EHHADH: variants seen among roughly 807,000 people sequenced by gnomAD.
The protein encoded by EHHADH is peroxisomal bifunctional enzyme.
Under a neutral mutation model 64.4 loss-of-function variants are expected in EHHADH, and 48 were observed. That is an observed-to-expected ratio of 0.75 (90% CI 0.59 to 0.95). The LOEUF (loss-of-function observed/expected upper bound fraction) is 0.95, where lower values mean the gene tolerates loss of function less well. Among genes scored for constraint, EHHADH ranks in the 40% least tolerant of loss-of-function variants. EHHADH has a pLI of 0.00. For synonymous variants in EHHADH, 308 were observed against 326.7 expected (o/e 0.94, Z 0.62); for missense variants, 854 against 876.6 (o/e 0.97, Z 0.33).
chr3:185,222,835 G>T (rs564408368), intron 4 of EHHADH, among the ~76,000 whole-genome samples: 52 of 152,268 alleles, frequency 3.4e-4, no homozygotes, highest in African/African-American at 1.2e-3. Context: ...TAGCATCCTA[G>T]CATGTGAATA....
At chr3:185,246,138 A>T in intron 2 of EHHADH, 1 of 1,193,746 alleles carries the variant, frequency 8.4e-7, no homozygotes. Context: ...CATCACTTTC[A>T]ATCTTAAGAT....
rs779917350 is a variant in EHHADH at position 185,192,771 on chromosome 3, T to C, written c.1627A>G (p.Thr543Ala). 4.3e-6 allele frequency: 7 copies of C among 1,613,992 alleles called. No individual in the cohort carries two copies. The highest frequency in any genetic ancestry group is 5.9e-6 in the Non-Finnish European group (7 of 1,180,036). Residue 543 changes from threonine (T) to alanine (A), a missense_variant, in exon 7 of 7, where the codon ACA becomes GCA. By Grantham distance (58) the Thr-to-Ala change is moderately conservative. Coordinates refer to ENST00000231887, the MANE Select transcript of EHHADH (RefSeq NM_001966.4). ...CGGGCAGGAGTTCCTGGAAGCAATG[T>C]AGGTCCAGTAAGACCTTGCCCCTTT... ...SRKGQGLTGP[T>A]LLPGTPARKR...
chr3:185,204,487 T>A lies in EHHADH; in HGVS notation c.839A>T (p.Lys280Met). Residue 280 changes from lysine (K) to methionine (M), a missense_variant, in exon 6 of 7, where the codon AAG becomes ATG. Physicochemically the swap from Lys to Met is moderately conservative, Grantham distance 95 (BLOSUM62 -1). Transcript: ENST00000231887. ...CGATGCTCCGGAGGGAGTTGACCACTTATTTGCTTTCCTTTCAGCGAAGAA... is the reference window on the plus strand; with the variant it reads ...CGATGCTCCGGAGGGAGTTGACCACATATTTGCTTTCCTTTCAGCGAAGAA... ...YAFFAERKAN[K>M]WSTPSGASWK... The A allele has an allele frequency of 6.2e-7, 1 of 1,614,154 alleles. No homozygotes were observed. Among genetic ancestry groups the A allele is most frequent in the South Asian group, 1.1e-5 (1 of 91,084 alleles).
At chr3:185,203,747 C>T (rs1451681879) in intron 6 of EHHADH, among the ~76,000 whole-genome samples, 1 of 152,102 alleles carries the variant, frequency 6.6e-6, no homozygotes, top group African/African-American at 2.4e-5. Flanking sequence ...AAATACCCAG[C>T]TATGAGAGTG....
At chr3:185,214,542 A>AT (rs1227505659) in intron 5 of EHHADH, among the ~76,000 whole-genome samples, 8 of 152,012 alleles carry the variant, frequency 5.3e-5, no homozygotes, top group African/African-American at 1.4e-4. Context: ...GAAAAGATAA[A>AT]TTTTTTTTCA....
At chr3:185,209,037 T>TA (rs1718471307) in intron 5 of EHHADH, among the ~76,000 whole-genome samples, 1 of 152,218 alleles carries the variant, frequency 6.6e-6, no homozygotes, top group African/African-American at 2.4e-5. Flanking sequence ...GAGTAGGAGT[T>TA]AGTGTTAATG....
rs149592294 is a variant in EHHADH at position 185,209,892 on chromosome 3, G to A, written c.569-5135C>T. 3.9e-3 allele frequency among the ~76,000 whole-genome samples: 592 copies of A among 152,214 alleles called. 5 individuals carry two copies. Among genetic ancestry groups the A allele is most frequent in the African/African-American group, 0.014 (570 of 41,520 alleles). On this transcript the variant is annotated intron_variant, in intron 5 of 6. Coordinates refer to ENST00000231887, the MANE Select transcript of EHHADH (RefSeq NM_001966.4). ...CTACTACTTTGAAAAAACATGAACC[G>A]TATCCAATAGGCCCACCAATTACTT...
intron 5 of EHHADH, among the ~76,000 whole-genome samples, chr3:185,207,220 G>A (rs1273916263): frequency 1.3e-5 from 2 of 151,708 alleles, no homozygotes; most frequent in Non-Finnish European, 2.9e-5. Flanking sequence ...AGCCTGAGAG[G>A]TTGCAGTGAG....
chr3:185,251,796 A>G (rs1285557454), intron 1 of EHHADH, among the ~76,000 whole-genome samples: 1 of 152,198 alleles, frequency 6.6e-6, no homozygotes, highest in Non-Finnish European at 1.5e-5. Context: ...TAGGATGTCC[A>G]TTTCTACCTA....
intron 6 of EHHADH, among the ~76,000 whole-genome samples, chr3:185,203,960 C>T (rs964992273): frequency 2.0e-5 from 3 of 151,580 alleles, no homozygotes; most frequent in African/African-American, 4.8e-5. Flanking sequence ...ACCAACATGG[C>T]GAAGCCCTGT....
chr3:185,207,497 C>G (rs1718429174), intron 5 of EHHADH, among the ~76,000 whole-genome samples: 1 of 152,076 alleles, frequency 6.6e-6, no homozygotes, highest in African/African-American at 2.4e-5. Context: ...GGAAAGGAGA[C>G]CAAGAACTAA....
intron 5 of EHHADH, 131 bp downstream of exon 5, chr3:185,218,005 T>C: frequency 2.1e-6 from 1 of 477,178 alleles, no homozygotes; most frequent in Non-Finnish European, 3.7e-6. Flanking sequence ...GACCTCGTGA[T>C]CCGCCCACCT....
At chr3:185,221,577 C>CTTTTTTTTTTTTTTTTTT (rs10663266) in intron 4 of EHHADH, among the ~76,000 whole-genome samples, 1 of 130,724 alleles carries the variant, frequency 7.6e-6, no homozygotes, top group Non-Finnish European at 1.6e-5. Flanking sequence ...ATTTTTTTTT[C>CTTTTTTTTTTTTTTTTTT]TTTTTTTTTT....
At chr3:185,225,811 A>G (rs1174952889) in intron 4 of EHHADH, among the ~76,000 whole-genome samples, 1 of 152,062 alleles carries the variant, frequency 6.6e-6, no homozygotes, top group Non-Finnish European at 1.5e-5. Flanking sequence ...TATTTTCTGT[A>G]TGTGGGATTT....
rs1360783406 is a variant in EHHADH at position 185,193,102 on chromosome 3, GT to G, written c.1295del (p.His432ProfsTer9). 1 of 1,613,740 alleles carries G rather than the reference GT, an allele frequency of 6.2e-7. No homozygotes were observed. Among genetic ancestry groups the G allele is most frequent in the East Asian group, 2.2e-5 (1 of 44,898 alleles). ...TCATGACATGAGCTGGCGAAAAGAA[GT>G]GGGTGCCAATGACCAAGTGAGGACG... ...TDRPHLVIGT[H>X]FFSPAHVMKL... On this transcript the variant is annotated frameshift_variant, in exon 7 of 7. Transcript: ENST00000231887. LOFTEE classifies it high-confidence loss of function.
intron 5 of EHHADH, among the ~76,000 whole-genome samples, chr3:185,212,120 AACATGC>A (rs1436545547): frequency 6.6e-6 from 1 of 152,224 alleles, no homozygotes. Context: ...TCATGCCAGA[AACATGC>A]ACATGAGAAC....
intron 5 of EHHADH, among the ~76,000 whole-genome samples, chr3:185,207,246 C>T (rs575297475): frequency 1.9e-4 from 29 of 151,784 alleles, no homozygotes; most frequent in Middle Eastern, 6.8e-3. Flanking sequence ...CAAGGTCGTG[C>T]CACTGCACTG....
chr3:185,217,294 C>T (rs893687194), intron 5 of EHHADH, among the ~76,000 whole-genome samples: 4 of 152,060 alleles, frequency 2.6e-5, no homozygotes, highest in African/African-American at 9.7e-5. Flanking sequence ...TGCCTGTAAT[C>T]CCAGCACTTT....
chr3:185,248,483 G>C lies in EHHADH; in HGVS notation c.109C>G (p.Gln37Glu). Residue 37 changes from glutamine to glutamate, a missense_variant, in exon 2 of 7, where the codon CAG becomes GAG. Transcript: ENST00000231887. The stretch of plus-strand genomic sequence containing the variant: ...ATTGTATGGTCTATTACAGCTTTCT[G>C]TAGTCCTTCTTTTATGTCACGGAGT... ...TLLRDIKEGL[Q>E]KAVIDHTIKA... is the part of the protein sequence containing the mutation. The C allele has an allele frequency of 3.1e-6, 5 of 1,613,652 alleles. No homozygotes were observed. Among genetic ancestry groups the C allele is most frequent in the Non-Finnish European group, 4.2e-6 (5 of 1,179,758 alleles).
Sources: allele counts gnomAD v4.1 joint callset (sites outside exome capture counted in the v4.1 genomes callset), GRCh38; gene constraint gnomAD v4.1.1; transcripts MANE v1.5; gene names NCBI Gene and HGNC (gene_info 2026-07-23, HGNC 2026-07-21).